Variants in GLG1 observed in about 807,000 individuals in gnomAD.
The protein encoded by GLG1 is golgi glycoprotein 1.
GLG1 carries 38 observed loss-of-function variants against 160.5 expected under a neutral mutation model. The observed-to-expected ratio is 0.24, with a 90% CI of 0.18 to 0.31. The LOEUF is 0.31. Among genes scored for constraint, GLG1 ranks in the 10% least tolerant of loss-of-function variants. GLG1 has a pLI of 1.00. For missense variants in GLG1, 1,373 were observed against 1,505.2 expected, an observed-to-expected ratio of 0.91 and a Z score of 1.45; for synonymous variants, 644 against 543.4, an observed-to-expected ratio of 1.19 and a Z score of -2.57.
chr16:74,548,959 G>A (rs2018124046), intron 1 of GLG1, among the ~76,000 whole-genome samples: 1 of 151,938 alleles, frequency 6.6e-6, no homozygotes, highest in Non-Finnish European at 1.5e-5. Flanking sequence ...TCACCTCACT[G>A]CACTCCAGCC....
At chr16:74,585,487 A>G (rs954060741) in intron 1 of GLG1, among the ~76,000 whole-genome samples, 4 of 152,116 alleles carry the variant, frequency 2.6e-5, no homozygotes, top group Non-Finnish European at 4.4e-5. Context: ...TGGGCGGATC[A>G]TGAGGTCATG....
intron 2 of GLG1, among the ~76,000 whole-genome samples, chr16:74,520,530 G>A (rs1304166644): frequency 6.6e-6 from 1 of 152,104 alleles, no homozygotes; most frequent in Non-Finnish European, 1.5e-5. Context: ...CAGCTACTTG[G>A]GAGGCTGAGG....
rs1312708472 is a variant in GLG1, at chr16:74,452,121, T to C, written c.*1046A>G. 1.2e-6 allele frequency: 2 copies of C among 1,614,030 alleles called. No individual in the cohort carries two copies. The highest frequency in any genetic ancestry group is 1.7e-6 in the Non-Finnish European group (2 of 1,179,916). ...CCTTTATAAGCCATTGTCTCTGACC[T>C]GTATTGTAGCCTGAAAAATAAAGCA... On this transcript the variant is annotated 3_prime_UTR_variant, in exon 26 of 26. Coordinates refer to ENST00000422840, the MANE Select transcript of GLG1 (RefSeq NM_001145667.2).
intron 11 of GLG1, 72 bp from the exon 12 acceptor site, chr16:74,477,605 G>T: frequency 9.1e-7 from 1 of 1,101,086 alleles, no homozygotes; most frequent in South Asian, 1.4e-5. Context: ...AGATAAACCT[G>T]CTATGAGGAA....
intron 1 of GLG1, among the ~76,000 whole-genome samples, chr16:74,552,944 C>T (rs1346060636): frequency 6.6e-6 from 1 of 152,014 alleles, no homozygotes; most frequent in African/African-American, 2.4e-5. Flanking sequence ...TTTGGCCAGG[C>T]GCAGTGGCTC....
At chr16:74,513,442 G>A (rs1017625830) in intron 2 of GLG1, among the ~76,000 whole-genome samples, 1 of 152,124 alleles carries the variant, frequency 6.6e-6, no homozygotes, top group Non-Finnish European at 1.5e-5. Context: ...AGCTTCCAGA[G>A]GAAGAATCAG....
At chr16:74,456,085 T>C (rs1288155358) in intron 25 of GLG1, among the ~76,000 whole-genome samples, 2 of 152,180 alleles carry the variant, frequency 1.3e-5, no homozygotes, top group East Asian at 1.9e-4. Flanking sequence ...GCCTCAAATA[T>C]GTATTTTTCT....
At chr16:74,543,114 G>A (rs1429828712) in intron 1 of GLG1, among the ~76,000 whole-genome samples, 3 of 151,886 alleles carry the variant, frequency 2.0e-5, no homozygotes, top group Admixed American at 1.3e-4. Flanking sequence ...ATAGGGCTGA[G>A]CTGCCAGAAT....
At position 74,451,164 on chromosome 16, in the gene GLG1, C is replaced by T. The variant is rs1233960727; in HGVS notation, c.*2003G>A. The T allele has an allele frequency of 6.6e-6, 1 of 152,418 alleles. No individual in the cohort carries two copies. Among genetic ancestry groups the T allele is most frequent in the African/African-American group, 2.4e-5 (1 of 41,450 alleles). 9.4% of individuals were successfully genotyped at this position (152,418 alleles called of 1,614,324 possible). On this transcript the variant is annotated 3_prime_UTR_variant, in exon 26 of 26. Transcript: ENST00000422840. The stretch of plus-strand genomic sequence containing the variant: ...GCCCCCAGGGGAACCTGCAGAGACT[C>T]TCGGGCCGCTCACTCCGGCTGGCAG...
intron 16 of GLG1, 79 bp downstream of exon 16, chr16:74,469,905 CT>C: frequency 1.1e-6 from 1 of 907,366 alleles, no homozygotes. Flanking sequence ...AGCAGGAGGG[CT>C]GCCTAACATC....
At chr16:74,580,488 G>T (rs181163017) in intron 1 of GLG1, among the ~76,000 whole-genome samples, 2 of 152,016 alleles carry the variant, frequency 1.3e-5, no homozygotes, top group Non-Finnish European at 2.9e-5. Flanking sequence ...AACAGAGAGA[G>T]ACCCTATTTC....
rs747168387 is a variant in GLG1, at chr16:74,607,062, G to C, written c.33C>G (p.Phe11Leu). 11 of 1,584,610 alleles carry C rather than the reference G, an allele frequency of 6.9e-6. No individual in the cohort carries two copies. Among genetic ancestry groups the C allele is most frequent in the African/African-American group, 1.3e-5 (1 of 74,476 alleles). The change falls in exon 1 of 26, where the codon TTC becomes TTG. Residue 11 changes from phenylalanine to leucine, a missense_variant. Coordinates refer to ENST00000422840, the MANE Select transcript of GLG1 (RefSeq NM_001145667.2). MAACGRVRRMFRLSAALHLLL... is the reference protein window; with the variant it reads MAACGRVRRMLRLSAALHLLL... Reference sequence around the variant, plus strand: ...GCAGATGCAGCGCCGCCGACAAGCGGAACATCCTCCGTACACGTCCACACG... The same window carrying C: ...GCAGATGCAGCGCCGCCGACAAGCGCAACATCCTCCGTACACGTCCACACG...
chr16:74,493,034 T>C lies in GLG1; in HGVS notation c.1157A>G (p.Asn386Ser), dbSNP rs752260860. The C allele has an allele frequency of 8.1e-6, 13 of 1,613,866 alleles. No individual in the cohort carries two copies. The East Asian group carries it at 2.0e-4, about 25-fold the overall frequency. The change falls in exon 7 of 26, where the codon AAT (asparagine) becomes AGT (serine). Residue 386 changes from asparagine to serine, a missense_variant. Coordinates refer to ENST00000422840, the MANE Select transcript of GLG1 (RefSeq NM_001145667.2). ...ACGCGATCGCGGAAGGTTTTCCACA[T>C]TGCACCGGTATTTCTTCAAGTCACT... is the stretch of plus-strand genomic sequence containing the variant. ...CKSDLKKYRC[N>S]VENLPRSREA...
intron 1 of GLG1, among the ~76,000 whole-genome samples, chr16:74,580,835 T>C (rs1957922348): frequency 1.3e-5 from 2 of 152,082 alleles, no homozygotes; most frequent in Admixed American, 6.6e-5. Flanking sequence ...GCCTGATTAA[T>C]AAGTGGGCAA....
At chr16:74,584,051 G>T (rs1378658474) in intron 1 of GLG1, among the ~76,000 whole-genome samples, 3 of 152,102 alleles carry the variant, frequency 2.0e-5, no homozygotes, top group Non-Finnish European at 4.4e-5. Flanking sequence ...AGGTCTCATT[G>T]TAACAGCAGC....
chr16:74,559,479 C>T (rs1020426640), intron 1 of GLG1, among the ~76,000 whole-genome samples: 10 of 135,386 alleles, frequency 7.4e-5, no homozygotes, highest in African/African-American at 2.2e-4. Flanking sequence ...GGAGGAGGGG[C>T]GATGGGGGGG....
chr16:74,566,091 T>G (rs934464911), intron 1 of GLG1, among the ~76,000 whole-genome samples: 1 of 152,324 alleles, frequency 6.6e-6, no homozygotes, highest in Admixed American at 6.5e-5. Flanking sequence ...AGTGCCATTC[T>G]CAACAATCGC....
At chr16:74,475,546 T>C (rs905903246) in intron 12 of GLG1, among the ~76,000 whole-genome samples, 1 of 152,178 alleles carries the variant, frequency 6.6e-6, no homozygotes, top group African/African-American at 2.4e-5. Flanking sequence ...TTAAAAGCTA[T>C]CTTGTGTGGG....
intron 1 of GLG1, among the ~76,000 whole-genome samples, chr16:74,592,019 T>G (rs991872319): frequency 3.3e-5 from 5 of 152,326 alleles, no homozygotes; most frequent in South Asian, 2.1e-4. Context: ...TGTATGTATG[T>G]AGAGTTGGGC....
Sources: gnomAD v4.1 joint callset for allele counts (sites outside exome capture counted in the v4.1 genomes callset) on GRCh38, gnomAD v4.1.1 for gene constraint, MANE v1.5 for transcripts, NCBI Gene and HGNC (gene_info 2026-07-23, HGNC 2026-07-21) for gene names.